Variants in PDSS1 observed in about 807,000 individuals in gnomAD.
PDSS1 encodes decaprenyl diphosphate synthase subunit 1.
Under a neutral mutation model 57.5 loss-of-function variants are expected in PDSS1, and 43 were observed. The observed-to-expected ratio is 0.75, with a 90% CI of 0.59 to 0.96. The LOEUF (loss-of-function observed/expected upper bound fraction) is 0.96, where lower values mean the gene tolerates loss of function less well. Among genes scored for constraint, PDSS1 ranks in the 50% least tolerant of loss-of-function variants. The pLI, the probability that PDSS1 is intolerant of heterozygous loss-of-function variation, is 0.00. For synonymous variants in PDSS1, 175 were observed against 191.3 expected, an observed-to-expected ratio of 0.91 and a Z score of 0.70; for missense variants, 438 against 527.8, an observed-to-expected ratio of 0.83 and a Z score of 1.67.
chr10:26,703,852 C>T (rs1276882586), intron 2 of PDSS1, among the ~76,000 whole-genome samples: 10 of 99,590 alleles, frequency 1.0e-4, no homozygotes, highest in Middle Eastern at 5.8e-3. Context: ...GAGGCCAAGG[C>T]GGGCGGATCA....
intron 5 of PDSS1, among the ~76,000 whole-genome samples, chr10:26,710,109 A>G (rs1476782730): frequency 7.1e-6 from 1 of 141,530 alleles, no homozygotes; most frequent in East Asian, 2.1e-4. Context: ...AGCTGAGATC[A>G]CGCCATTGCA....
chr10:26,730,161 C>T (rs558074323), intron 8 of PDSS1, among the ~76,000 whole-genome samples: 47 of 152,046 alleles, frequency 3.1e-4, no homozygotes, highest in African/African-American at 1.1e-3. Flanking sequence ...ATCCGCCCAC[C>T]TCGGCCTCCC....
At chr10:26,735,150 C>T in intron 8 of PDSS1, 90 bp from the exon 9 acceptor site, 1 of 871,018 alleles carries the variant, frequency 1.1e-6, no homozygotes, top group Admixed American at 1.7e-5. Context: ...GCCCCGCTGC[C>T]TCCTATTTTA....
At chr10:26,744,528 C>T (rs1301421544) in intron 11 of PDSS1, among the ~76,000 whole-genome samples, 14 of 152,014 alleles carry the variant, frequency 9.2e-5, no homozygotes, top group Non-Finnish European at 1.0e-4. Context: ...GTAGCTGGGA[C>T]TACAGGCACC....
chr10:26,733,838 G>A (rs1350294962), intron 8 of PDSS1, among the ~76,000 whole-genome samples: 2 of 152,106 alleles, frequency 1.3e-5, no homozygotes, highest in East Asian at 3.9e-4. Flanking sequence ...GCTGGGTGTG[G>A]TTGCGCGTGC....
At chr10:26,742,639 CA>C in intron 11 of PDSS1, 62 bp downstream of exon 11, 2 of 939,638 alleles carry the variant, frequency 2.1e-6, no homozygotes, top group Non-Finnish European at 3.5e-6. Context: ...TCCTTTAATC[CA>C]AAAATGTAAC....
chr10:26,741,833 G>C (rs1004053972), intron 10 of PDSS1, among the ~76,000 whole-genome samples: 16 of 152,256 alleles, frequency 1.1e-4, no homozygotes, highest in African/African-American at 3.9e-4. Context: ...CCCACAAGCA[G>C]TACAGGTGAT....
intron 8 of PDSS1, among the ~76,000 whole-genome samples, chr10:26,728,422 G>A (rs965327847): frequency 6.6e-5 from 10 of 151,946 alleles, no homozygotes; most frequent in African/African-American, 1.9e-4. Flanking sequence ...TCCGGGAGGC[G>A]GAGGTTGCAG....
rs116148064 is a variant in PDSS1, at chr10:26,742,525, G to A, written c.1055G>A (p.Arg352Gln). The A allele has an allele frequency of 1.9e-4, 300 of 1,612,292 alleles. No homozygotes were observed. The African/African-American group carries it at 3.4e-3, about 18-fold the overall frequency. ...QFPEMNAMIM[R>Q]RFSLPGDVDR... is the part of the protein sequence containing the mutation. ...CCAGAAATGAATGCTATGATCATGC[G>A]ACGGTTCAGTTTGCCTGGAGATGTA... The change falls in exon 11 of 12, where the codon CGA becomes CAA. Residue 352 changes from arginine to glutamine, a missense_variant. By Grantham distance (43) the Arg-to-Gln change is conservative. Transcript: ENST00000376215.
intron 6 of PDSS1, 22 bp from the exon 7 acceptor site, chr10:26,723,784 T>G: frequency 6.6e-7 from 1 of 1,520,746 alleles, no homozygotes; most frequent in Non-Finnish European, 9.1e-7. Context: ...GAACGTTCTG[T>G]TTTCCCCCTG....
chr10:26,698,568 T>G (rs1349216816), intron 1 of PDSS1, among the ~76,000 whole-genome samples: 1 of 152,230 alleles, frequency 6.6e-6, no homozygotes, highest in Non-Finnish European at 1.5e-5. Context: ...GTTTAGCCCC[T>G]GTAAATGGAC....
At chr10:26,704,067 A>ACGAGACTC (rs1437096673) in intron 2 of PDSS1, among the ~76,000 whole-genome samples, 1 of 131,132 alleles carries the variant, frequency 7.6e-6, no homozygotes, top group Admixed American at 7.9e-5. Flanking sequence ...GGACGACAGA[A>ACGAGACTC]CGAGACTCCG....
Position 26,704,749 on chromosome 10 carries a change from T to G in PDSS1, c.227+8T>G. ...TGTATGTCGTATATCACGGTAAGTTTACAGTCCATACTGCAACTACTAAAA... is the reference window on the plus strand; with the variant it reads ...TGTATGTCGTATATCACGGTAAGTTGACAGTCCATACTGCAACTACTAAAA... On this transcript the variant is annotated splice_region_variant and intron_variant, in intron 3 of 11. Coordinates refer to ENST00000376215, the MANE Select transcript of PDSS1 (RefSeq NM_014317.5). 7.5e-7 allele frequency: 1 copy of G among 1,332,442 alleles called. No homozygotes were observed. The highest frequency in any genetic ancestry group is 1.4e-5 in the African/African-American group (1 of 69,570). The allele number at this position is 1,332,442 out of a possible 1,614,324, so 82.5% of individuals were successfully genotyped here. A position where few individuals can be genotyped will look rare whatever the true frequency, so the allele number is the denominator to read the frequency against.
intron 8 of PDSS1, among the ~76,000 whole-genome samples, chr10:26,734,210 T>A (rs1342615389): frequency 1.3e-5 from 2 of 152,222 alleles, no homozygotes; most frequent in Non-Finnish European, 2.9e-5. Context: ...TGCACCACAC[T>A]GACGCCTGAG....
chr10:26,714,187 T>C (rs1254449071), intron 5 of PDSS1, among the ~76,000 whole-genome samples: 1 of 151,932 alleles, frequency 6.6e-6, no homozygotes, highest in African/African-American at 2.4e-5. Context: ...AAAAAGAGCT[T>C]TATGGGCTGG....
chr10:26,717,025 G>C (rs1400061547), intron 5 of PDSS1, among the ~76,000 whole-genome samples: 1 of 152,150 alleles, frequency 6.6e-6, no homozygotes, highest in Non-Finnish European at 1.5e-5. Context: ...TCATGTTATG[G>C]ATAAGCAGTG....
At chr10:26,737,876 T>C (rs1302440333) in intron 10 of PDSS1, among the ~76,000 whole-genome samples, 1 of 151,948 alleles carries the variant, frequency 6.6e-6, no homozygotes, top group Admixed American at 6.6e-5. Context: ...CAGACAGCAG[T>C]GTTCTCATCT....
chr10:26,743,439 C>T lies in PDSS1; in HGVS notation c.1107+862C>T, dbSNP rs571427448. Reference sequence around the variant, plus strand: ...TAAAAAATTTAAAAAGCAACCCCAACCCCTAAAAGGTTATTTTTCTCTCTT... The same window carrying T: ...TAAAAAATTTAAAAAGCAACCCCAATCCCTAAAAGGTTATTTTTCTCTCTT... On this transcript the variant is annotated intron_variant, in intron 11 of 11. Transcript: ENST00000376215. Among the ~76,000 whole-genome samples, 3 of 152,316 alleles carry T rather than the reference C, an allele frequency of 2.0e-5. No individual in the cohort carries two copies. In the East Asian group the frequency reaches 5.8e-4, roughly 29 times the overall value.
At position 26,742,517 on chromosome 10, in the gene PDSS1, G is replaced by A; in HGVS notation, c.1047G>A (p.Met349Ile). The A allele has an allele frequency of 6.2e-7, 1 of 1,611,826 alleles. No homozygotes were observed. Among genetic ancestry groups the A allele is most frequent in the Non-Finnish European group, 8.5e-7 (1 of 1,178,442 alleles). ...GTTAGTTCCCAGAAATGAATGCTAT[G>A]ATCATGCGACGGTTCAGTTTGCCTG... ...ACQQFPEMNA[M>I]IMRRFSLPGD... Residue 349 changes from methionine to isoleucine, a missense_variant, in exon 11 of 12, where the codon ATG (methionine) becomes ATA (isoleucine). Around this residue, in one of 2 missense-constraint regions of PDSS1, gnomAD observed 284 missense variants for 390.7 expected, o/e 0.73. Transcript: ENST00000376215.
Sources: gnomAD v4.1 joint callset for allele counts (sites outside exome capture counted in the v4.1 genomes callset) on GRCh38, gnomAD v4.1.1 for gene constraint, gnomAD v4.1.1 regional missense constraint, MANE v1.5 for transcripts, NCBI Gene and HGNC (gene_info 2026-07-23, HGNC 2026-07-21) for gene names.